The following PTPRT variants were observed in gnomAD, a reference collection of about 807,000 sequenced individuals.
The protein encoded by PTPRT is receptor-type tyrosine-protein phosphatase T.
A neutral mutation model predicts 176.8 loss-of-function variants in PTPRT; 56 were observed. The observed-to-expected ratio is 0.32, with a 90% CI of 0.26 to 0.40. The LOEUF (loss-of-function observed/expected upper bound fraction) is 0.40, where lower values mean the gene tolerates loss of function less well. Among genes scored for constraint, PTPRT ranks in the 10% least tolerant of loss-of-function variants. The probability of loss-of-function intolerance (pLI) is 1.00; values close to 1 mark genes in which losing one functional copy is unlikely to be tolerated. For missense variants in PTPRT, 1,540 were observed against 1,908.2 expected (o/e 0.81, Z 3.60); for synonymous variants, 783 against 739.0 (o/e 1.06, Z -0.96).
the PTPRT span, among the ~76,000 whole-genome samples, chr20:42,057,725 A>T: frequency 1.3e-5 from 2 of 152,016 alleles, no homozygotes; most frequent in South Asian, 4.2e-4. Flanking sequence ...AGTAGCTAGG[A>T]CTACAGATAA....
At chr20:42,234,745 A>C (rs989436456) in intron 15 of PTPRT, among the ~76,000 whole-genome samples, 2 of 152,198 alleles carry the variant, frequency 1.3e-5, no homozygotes, top group African/African-American at 4.8e-5. Context: ...TGTTCAAAGC[A>C]TGTTTGTGGG....
intron 7 of PTPRT, among the ~76,000 whole-genome samples, chr20:42,474,336 G>T (rs1415412463): frequency 6.6e-6 from 1 of 152,132 alleles, no homozygotes; most frequent in Non-Finnish European, 1.5e-5. Flanking sequence ...GTCCCTATGG[G>T]GAAAATATCC....
chr20:42,604,787 C>T (rs1308106007), intron 7 of PTPRT, among the ~76,000 whole-genome samples: 3 of 152,168 alleles, frequency 2.0e-5, no homozygotes, highest in African/African-American at 4.8e-5. Flanking sequence ...ACATTGAGTT[C>T]CATAATTGTA....
At chr20:42,488,739 TG>T (rs551613075) in intron 7 of PTPRT, among the ~76,000 whole-genome samples, 41 of 151,662 alleles carry the variant, frequency 2.7e-4, no homozygotes, top group Non-Finnish European at 3.2e-4. Context: ...CCGAGGCGGG[TG>T]GATCACCTCA....
chr20:42,443,216 T>C (rs2059334457), intron 9 of PTPRT, among the ~76,000 whole-genome samples: 1 of 152,254 alleles, frequency 6.6e-6, no homozygotes, highest in African/African-American at 2.4e-5. Context: ...TCTACCACCC[T>C]CTTGTGCTGA....
At chr20:42,177,422 A>AAT (rs1990339343) in intron 16 of PTPRT, among the ~76,000 whole-genome samples, 2 of 152,196 alleles carry the variant, frequency 1.3e-5, no homozygotes, top group Non-Finnish European at 2.9e-5. Flanking sequence ...CCAACCAAAA[A>AAT]ATGCAACTAA....
intron 7 of PTPRT, among the ~76,000 whole-genome samples, chr20:42,601,059 T>G (rs554073890): frequency 3.3e-5 from 5 of 152,314 alleles, no homozygotes; most frequent in African/African-American, 1.2e-4. Context: ...GTTCGTAGGT[T>G]GCTGTGCCTT....
intron 1 of PTPRT, among the ~76,000 whole-genome samples, chr20:43,095,839 TCC>T (rs1467818821): frequency 1.2e-5 from 1 of 80,960 alleles, no homozygotes; most frequent in Non-Finnish European, 2.5e-5. Flanking sequence ...CCTCTCTCTC[TCC>T]CTCTCCCTTT....
At chr20:43,046,396 G>C (rs1986840005) in intron 1 of PTPRT, among the ~76,000 whole-genome samples, 1 of 151,586 alleles carries the variant, frequency 6.6e-6, no homozygotes, top group Non-Finnish European at 1.5e-5. Flanking sequence ...GTGAAACCCT[G>C]TCTCTACTAA....
intron 7 of PTPRT, among the ~76,000 whole-genome samples, chr20:42,503,877 G>A (rs1051983248): frequency 4.6e-5 from 7 of 151,938 alleles, no homozygotes; most frequent in African/African-American, 1.5e-4. Context: ...TGATTCTACC[G>A]TTTGGAATGA....
chr20:42,706,874 T>G (rs2076068010), intron 6 of PTPRT, among the ~76,000 whole-genome samples: 1 of 152,190 alleles, frequency 6.6e-6, no homozygotes. Context: ...ATGTAATCTG[T>G]TCAAGATGAA....
At chr20:42,081,756 G>A (rs1378762276) in intron 30 of PTPRT, 126 bp downstream of exon 30, 2 of 1,244,386 alleles carry the variant, frequency 1.6e-6, no homozygotes, top group African/African-American at 3.0e-5. Flanking sequence ...GCATACCAAG[G>A]GCACAGAATG....
intron 7 of PTPRT, among the ~76,000 whole-genome samples, chr20:42,601,591 TA>T (rs1481396938): frequency 2.0e-5 from 3 of 152,202 alleles, no homozygotes; most frequent in Non-Finnish European, 4.4e-5. Context: ...TTACCTCCAT[TA>T]AATAGTCTAC....
At chr20:42,553,461 G>A (rs1359397233) in intron 7 of PTPRT, among the ~76,000 whole-genome samples, 1 of 151,562 alleles carries the variant, frequency 6.6e-6, no homozygotes, top group Non-Finnish European at 1.5e-5. Context: ...TCTCATGCAT[G>A]CTGTCTTCCT....
At chr20:42,047,063 C>T in the PTPRT span, among the ~76,000 whole-genome samples, 1 of 152,186 alleles carries the variant, frequency 6.6e-6, no homozygotes, top group Non-Finnish European at 1.5e-5. Flanking sequence ...CCCTGACAAA[C>T]TTCTCCAATG....
intron 6 of PTPRT, among the ~76,000 whole-genome samples, chr20:42,745,683 G>A (rs2076681646): frequency 6.6e-6 from 1 of 152,216 alleles, no homozygotes; most frequent in Non-Finnish European, 1.5e-5. Context: ...GTTTAGCCTA[G>A]CCTGGAACTT....
intron 9 of PTPRT, among the ~76,000 whole-genome samples, chr20:42,445,129 C>A (rs912194384): frequency 6.6e-6 from 1 of 152,132 alleles, no homozygotes; most frequent in Admixed American, 6.5e-5. Flanking sequence ...CTATGGACCA[C>A]GCTAAGTTGC....
chr20:42,805,284 G>T (rs1391812968), intron 2 of PTPRT, among the ~76,000 whole-genome samples: 1 of 152,134 alleles, frequency 6.6e-6, no homozygotes, highest in African/African-American at 2.4e-5. Flanking sequence ...AGGAGTTATG[G>T]CATTTACTTG....
intron 15 of PTPRT, among the ~76,000 whole-genome samples, chr20:42,224,947 G>A (rs1212620872): frequency 1.3e-5 from 2 of 152,158 alleles, no homozygotes; most frequent in African/African-American, 4.8e-5. Flanking sequence ...GGCCATGGTA[G>A]TGCACTCTCC....
Sources: allele counts gnomAD v4.1 joint callset (sites outside exome capture counted in the v4.1 genomes callset), GRCh38; gene constraint gnomAD v4.1.1; transcripts MANE v1.5; gene names NCBI Gene and HGNC (gene_info 2026-07-23, HGNC 2026-07-21).